Variants in CDC42BPA observed in about 807,000 individuals in gnomAD.
CDC42BPA encodes the protein CDC42 binding protein kinase alpha.
Under a neutral mutation model 223.5 loss-of-function variants are expected in CDC42BPA, and 80 were observed. The observed-to-expected ratio is 0.36, with a 90% CI of 0.30 to 0.43. The LOEUF (loss-of-function observed/expected upper bound fraction) is 0.43. CDC42BPA is among the 20% of genes least tolerant of loss of function. The probability of loss-of-function intolerance (pLI) is 1.00; values close to 1 mark genes in which losing one functional copy is unlikely to be tolerated. For synonymous variants in CDC42BPA, 694 were observed against 718.6 expected, an observed-to-expected ratio of 0.97 and a Z score of 0.55; for missense variants, 1,743 against 2,099.9, an observed-to-expected ratio of 0.83 and a Z score of 3.32.
intron 34 of CDC42BPA, among the ~76,000 whole-genome samples, chr1:227,007,291 C>G (rs1200744768): frequency 6.6e-6 from 1 of 152,132 alleles, no homozygotes; most frequent in African/African-American, 2.4e-5. Flanking sequence ...GAAAATCACA[C>G]AGATAGTAAT....
intron 1 of CDC42BPA, among the ~76,000 whole-genome samples, chr1:227,280,872 T>C (rs1318353360): frequency 6.6e-6 from 1 of 152,202 alleles, no homozygotes; most frequent in African/African-American, 2.4e-5. Context: ...GCTTCTCTTC[T>C]AAGGTAAGCA....
chr1:227,094,188 A>C (rs1234332780), intron 15 of CDC42BPA, among the ~76,000 whole-genome samples: 1 of 152,200 alleles, frequency 6.6e-6, no homozygotes, highest in African/African-American at 2.4e-5. Flanking sequence ...GAGAAAGAAA[A>C]TAAACTTTTT....
chr1:227,058,753 A>G (rs1354857240), intron 21 of CDC42BPA, among the ~76,000 whole-genome samples: 3 of 152,130 alleles, frequency 2.0e-5, no homozygotes, highest in Non-Finnish European at 4.4e-5. Context: ...AATAATACAT[A>G]TATAAATAAT....
At chr1:227,026,365 G>A (rs543727088) in intron 30 of CDC42BPA, among the ~76,000 whole-genome samples, 14 of 152,226 alleles carry the variant, frequency 9.2e-5, no homozygotes, top group Admixed American at 5.9e-4. Context: ...TTATATAGCC[G>A]TTATAATATA....
intron 2 of CDC42BPA, among the ~76,000 whole-genome samples, chr1:227,222,345 C>T (rs1043630172): frequency 6.6e-6 from 1 of 152,000 alleles, no homozygotes; most frequent in Non-Finnish European, 1.5e-5. Context: ...CCCATCTCTA[C>T]TGAAAATACA....
intron 1 of CDC42BPA, among the ~76,000 whole-genome samples, chr1:227,290,513 A>C (rs1689517446): frequency 6.8e-6 from 1 of 146,560 alleles, no homozygotes; most frequent in South Asian, 2.2e-4. Flanking sequence ...CCAGTAACAC[A>C]GATATAATAG....
intron 32 of CDC42BPA, among the ~76,000 whole-genome samples, chr1:227,022,850 G>A (rs1667637795): frequency 6.6e-6 from 1 of 152,016 alleles, no homozygotes; most frequent in Non-Finnish European, 1.5e-5. Flanking sequence ...CACCACTTTC[G>A]AAGTGCTAGG....
rs1366092051 is a variant in CDC42BPA at position 227,199,590 on chromosome 1, G to C, written c.417C>G (p.Thr139=). ...LVNGDNKWIT[T]LHYAFQDDNN... is the part of the protein sequence containing the mutation. ...TGTCATCCTGGAAAGCATAGTGCAAGGTTGTAATCCATTTATTGTCTCCAT... is the reference window on the plus strand; with the variant it reads ...TGTCATCCTGGAAAGCATAGTGCAACGTTGTAATCCATTTATTGTCTCCAT... The change falls in exon 4 of 37, where the codon ACC becomes ACG. Residue 139 remains threonine, a synonymous_variant. Transcript: ENST00000366766. The C allele has an allele frequency of 6.2e-7, 1 of 1,602,750 alleles. No homozygotes were observed. Among genetic ancestry groups the C allele is most frequent in the East Asian group, 2.2e-5 (1 of 44,446 alleles).
intron 2 of CDC42BPA, among the ~76,000 whole-genome samples, chr1:227,231,085 G>A (rs1233296638): frequency 4.0e-5 from 6 of 151,434 alleles, no homozygotes; most frequent in African/African-American, 1.2e-4. Flanking sequence ...TGCTGCACCC[G>A]TTAACTCGTC....
chr1:227,194,054 T>C (rs1670250822), intron 4 of CDC42BPA, 120 bp from the exon 5 acceptor site: 1 of 598,230 alleles, frequency 1.7e-6, no homozygotes. Flanking sequence ...CATATGCTGC[T>C]AATTAACAAG....
In CDC42BPA at chr1:227,317,020, C is replaced by T; in HGVS notation, c.163G>A (p.Glu55Lys). The T allele has an allele frequency of 2.5e-6, 4 of 1,612,888 alleles. No individual in the cohort carries two copies. Among genetic ancestry groups the T allele is most frequent in the Non-Finnish European group, 3.4e-6 (4 of 1,179,102 alleles). ...SPLRREKNIL[E>K]YLEWAKPFTS... ...ACAAACTTACCCCATTCTAGGTATT[C>T]GAGAATGTTCTTCTCTCTTCTCAAT... Residue 55 changes from glutamate to lysine, a missense_variant, in exon 1 of 37, where the codon GAA becomes AAA. Glu to Lys is a moderately conservative substitution (Grantham distance 56, BLOSUM62 1). This residue lies in a region of CDC42BPA where 321 missense variants were observed against 488.7 expected (regional missense o/e 0.66). Coordinates refer to ENST00000366766, the MANE Select transcript of CDC42BPA (RefSeq NM_001394014.1).
chr1:227,034,893 G>A (rs74997735), intron 25 of CDC42BPA, 99 bp from the exon 26 acceptor site: 1 of 1,076,996 alleles, frequency 9.3e-7, no homozygotes, highest in East Asian at 2.5e-5. Context: ...TACAGATAAT[G>A]TACACGTTTT....
chr1:227,163,119 T>C (rs868420562), intron 5 of CDC42BPA, among the ~76,000 whole-genome samples: 3,127 of 102,530 alleles, frequency 0.03, 132 homozygotes, highest in African/African-American at 0.1. Context: ...TATGTGTGTA[T>C]GTTTCCAAAC....
At chr1:227,268,643 A>ATATATATAGT in intron 1 of CDC42BPA, among the ~76,000 whole-genome samples, 1 of 143,980 alleles carries the variant, frequency 6.9e-6, no homozygotes, top group Non-Finnish European at 1.5e-5. Flanking sequence ...GTATATATAT[A>ATATATATAGT]GTGTGTGTGT....
At chr1:227,047,755 G>A (rs978943044) in intron 23 of CDC42BPA, among the ~76,000 whole-genome samples, 172 bp downstream of exon 23, 6 of 152,020 alleles carry the variant, frequency 3.9e-5, no homozygotes, top group African/African-American at 9.7e-5. Flanking sequence ...AGTGCTGTAC[G>A]CTCTCCCTAC....
At chr1:227,133,527 G>C (rs1334480080) in intron 10 of CDC42BPA, among the ~76,000 whole-genome samples, 1 of 152,240 alleles carries the variant, frequency 6.6e-6, no homozygotes, top group Non-Finnish European at 1.5e-5. Context: ...AGAAAGGGGG[G>C]AAGGGTGGGG....
At chr1:227,243,754 T>C (rs1359720341) in intron 2 of CDC42BPA, among the ~76,000 whole-genome samples, 2 of 113,152 alleles carry the variant, frequency 1.8e-5, no homozygotes, top group Non-Finnish European at 3.8e-5. Context: ...GGAAAAGATT[T>C]GTCACACACA....
At chr1:227,048,460 C>T (rs1336108439) in intron 22 of CDC42BPA, among the ~76,000 whole-genome samples, 2 of 151,908 alleles carry the variant, frequency 1.3e-5, no homozygotes, top group Non-Finnish European at 2.9e-5. Context: ...ATATAGAACA[C>T]AGCTCTGGAT....
intron 1 of CDC42BPA, among the ~76,000 whole-genome samples, chr1:227,303,803 A>G (rs1422346254): frequency 6.6e-6 from 1 of 152,122 alleles, no homozygotes; most frequent in Non-Finnish European, 1.5e-5. Context: ...ATCATCCTTA[A>G]AGGTTTATGA....
Sources: allele counts gnomAD v4.1 joint callset (sites outside exome capture counted in the v4.1 genomes callset), GRCh38; gene constraint gnomAD v4.1.1; regional missense constraint gnomAD v4.1.1; transcripts MANE v1.5; gene names NCBI Gene and HGNC (gene_info 2026-07-23, HGNC 2026-07-21).